Variants in MARCHF8 observed in about 807,000 individuals in gnomAD.
MARCHF8 encodes membrane associated ring-CH-type finger 8.
MARCHF8 carries 40 observed loss-of-function variants against 51.6 expected under a neutral mutation model. That is an observed-to-expected ratio of 0.77 (90% CI 0.60 to 1.01). MARCHF8 has a LOEUF of 1.01. Among genes scored for constraint, MARCHF8 ranks in the 50% least tolerant of loss-of-function variants. MARCHF8 has a pLI of 0.00. For missense variants in MARCHF8, 685 were observed against 708.6 expected (o/e 0.97, Z 0.38); for synonymous variants, 263 against 280.3 (o/e 0.94, Z 0.62).
intron 1 of MARCHF8, among the ~76,000 whole-genome samples, chr10:45,558,318 A>G (rs1272505160): frequency 6.6e-6 from 1 of 152,220 alleles, no homozygotes; most frequent in Non-Finnish European, 1.5e-5. Context: ...AGTTCAGGTT[A>G]ATCCAAAGAA....
chr10:45,548,293 T>C (rs2044151969), intron 1 of MARCHF8, among the ~76,000 whole-genome samples: 1 of 152,026 alleles, frequency 6.6e-6, no homozygotes, highest in South Asian at 2.1e-4. Flanking sequence ...CAATTTAGAA[T>C]CCCCAGAAGT....
chr10:45,529,072 C>T (rs2043836794), intron 2 of MARCHF8, among the ~76,000 whole-genome samples: 1 of 152,194 alleles, frequency 6.6e-6, no homozygotes, highest in Non-Finnish European at 1.5e-5. Context: ...TCAAATTGTA[C>T]TATAAGGCTA....
chr10:45,591,676 T>C (rs980872329), intron 1 of MARCHF8, among the ~76,000 whole-genome samples: 21 of 152,192 alleles, frequency 1.4e-4, no homozygotes, highest in Admixed American at 1.3e-3. Flanking sequence ...AAGGTCTTTC[T>C]AATACAGAAA....
intron 1 of MARCHF8, among the ~76,000 whole-genome samples, chr10:45,543,821 G>A (rs1277150064): frequency 1.5e-3 from 159 of 105,586 alleles, no homozygotes; most frequent in Non-Finnish European, 2.0e-3. Flanking sequence ...AAAAAAAAAA[G>A]ACTTGTATCT....
At chr10:45,551,916 A>G (rs2044199918) in intron 1 of MARCHF8, among the ~76,000 whole-genome samples, 1 of 152,052 alleles carries the variant, frequency 6.6e-6, no homozygotes, top group African/African-American at 2.4e-5. Flanking sequence ...TGACTGATAC[A>G]ATATATCACA....
intron 3 of MARCHF8, among the ~76,000 whole-genome samples, chr10:45,472,792 A>T (rs758061880): frequency 2.6e-5 from 4 of 152,210 alleles, no homozygotes; most frequent in Non-Finnish European, 5.9e-5. Flanking sequence ...TAAACTTTGC[A>T]AAAGGGGAGC....
intron 1 of MARCHF8, among the ~76,000 whole-genome samples, chr10:45,574,164 T>C (rs570690449): frequency 6.6e-6 from 1 of 152,214 alleles, no homozygotes; most frequent in Admixed American, 6.5e-5. Flanking sequence ...CATTAAAACC[T>C]AGTCACCCTT....
chr10:45,562,946 G>GTT (rs34933187), intron 1 of MARCHF8, among the ~76,000 whole-genome samples: 86 of 145,992 alleles, frequency 5.9e-4, no homozygotes, highest in African/African-American at 1.8e-3. Flanking sequence ...TTATATGTGG[G>GTT]TTTTTTTTTT....
intron 1 of MARCHF8, among the ~76,000 whole-genome samples, chr10:45,546,078 G>A (rs970646297): frequency 2.0e-5 from 3 of 152,136 alleles, no homozygotes; most frequent in Admixed American, 6.5e-5. Flanking sequence ...GGCTTGGCCT[G>A]TTAAAACTAT....
Position 45,454,808 on chromosome 10 carries a change from G to C in MARCHF8, c.*3431C>G, listed in dbSNP as rs954674562. On this transcript the variant is annotated 3_prime_UTR_variant, in exon 8 of 8. Transcript: ENST00000453424. The stretch of plus-strand genomic sequence containing the variant: ...ACACCACACATGCCAGTGTAAATTT[G>C]GTTTAACAATCAATTTCTATAAACA... The C allele has an allele frequency of 3.3e-5, 5 of 152,100 alleles. No homozygotes were observed. The highest frequency in any genetic ancestry group is 1.2e-4 in the African/African-American group (5 of 41,410). 9.4% of individuals were successfully genotyped at this position (152,100 alleles called of 1,614,324 possible). A position where few individuals can be genotyped will look rare whatever the true frequency, so the allele number is the denominator to read the frequency against.
At chr10:45,472,058 A>G (rs2042701626) in intron 3 of MARCHF8, among the ~76,000 whole-genome samples, 3 of 152,198 alleles carry the variant, frequency 2.0e-5, no homozygotes, top group South Asian at 4.1e-4. Context: ...CGCGGAGTAT[A>G]CTACTGACAG....
At chr10:45,589,922 A>T (rs1393848555) in intron 1 of MARCHF8, among the ~76,000 whole-genome samples, 3 of 152,222 alleles carry the variant, frequency 2.0e-5, no homozygotes, top group Non-Finnish European at 2.9e-5. Context: ...TCTCTTGGGT[A>T]TATACCTAGG....
intron 1 of MARCHF8, among the ~76,000 whole-genome samples, chr10:45,586,175 A>C (rs1441542472): frequency 6.6e-6 from 1 of 152,160 alleles, no homozygotes; most frequent in African/African-American, 2.4e-5. Context: ...AATACAGAGT[A>C]ATTCCATCAC....
chr10:45,478,427 C>T (rs962779628), intron 3 of MARCHF8, among the ~76,000 whole-genome samples: 2 of 152,056 alleles, frequency 1.3e-5, no homozygotes, highest in African/African-American at 4.8e-5. Flanking sequence ...TAAACACCTA[C>T]ATCAAAAGAG....
At chr10:45,460,025 C>G (rs1385791023) in intron 6 of MARCHF8, 1 of 355,260 alleles carries the variant, frequency 2.8e-6, no homozygotes, top group Non-Finnish European at 3.9e-6. Flanking sequence ...TCAAGGACTT[C>G]CCATGTTGAG....
intron 1 of MARCHF8, among the ~76,000 whole-genome samples, chr10:45,540,726 A>G (rs1000171430): frequency 2.6e-5 from 4 of 152,236 alleles, no homozygotes; most frequent in Non-Finnish European, 4.4e-5. Context: ...TTACAAGAAA[A>G]AAACAAACAA....
chr10:45,490,132 A>G (rs34415465), intron 2 of MARCHF8, among the ~76,000 whole-genome samples: 9,382 of 152,248 alleles, frequency 0.062, 330 homozygotes, highest in Non-Finnish European at 0.066. Context: ...GAAGAATAAC[A>G]TCCCACCTGG....
chr10:45,486,811 T>C (rs2042988117), intron 3 of MARCHF8, among the ~76,000 whole-genome samples: 1 of 148,008 alleles, frequency 6.8e-6, no homozygotes, highest in African/African-American at 2.5e-5. Context: ...CTACTTTTTT[T>C]TTTTTTTTTT....
At position 45,463,454 on chromosome 10, in the gene MARCHF8, A is replaced by G; in HGVS notation, c.785T>C (p.Leu262Pro). Residue 262 changes from leucine (L) to proline (P), a missense_variant, in exon 5 of 8, where the codon CTG becomes CCG. Coordinates refer to ENST00000453424, the MANE Select transcript of MARCHF8 (RefSeq NM_001282866.2). ...TSRSRQLLQY[L>P]FSLSHGLSAS... ...GCTCAAGCCGTGCGAGAGTGAGAAC[A>G]GGTACTGGAGCAGTTGCCGGCTTCG... 6.4e-7 allele frequency: 1 copy of G among 1,550,658 alleles called. No homozygotes were observed. The highest frequency in any genetic ancestry group is 8.7e-7 in the Non-Finnish European group (1 of 1,147,012).
Sources: gnomAD v4.1 joint callset for allele counts (sites outside exome capture counted in the v4.1 genomes callset) on GRCh38, gnomAD v4.1.1 for gene constraint, MANE v1.5 for transcripts, NCBI Gene and HGNC (gene_info 2026-07-23, HGNC 2026-07-21) for gene names.